PTPN14: variants seen among roughly 807,000 people sequenced by gnomAD.
PTPN14 encodes protein tyrosine phosphatase non-receptor type 14.
Under a neutral mutation model 126.8 loss-of-function variants are expected in PTPN14, and 53 were observed. The ratio of observed to expected loss-of-function variants is 0.42; its 90% CI spans 0.34 to 0.53. PTPN14 has a LOEUF of 0.53. Among genes scored for constraint, PTPN14 ranks in the 20% least tolerant of loss-of-function variants. PTPN14 has a pLI of 0.08. For synonymous variants in PTPN14, 630 were observed against 599.3 expected (o/e 1.05, Z -0.75); for missense variants, 1,257 against 1,552.9 (o/e 0.81, Z 3.20).
intron 3 of PTPN14, among the ~76,000 whole-genome samples, chr1:214,441,986 T>C (rs1295009305): frequency 1.3e-5 from 2 of 152,238 alleles, no homozygotes; most frequent in Non-Finnish European, 2.9e-5. Flanking sequence ...AATGAATGTA[T>C]CTTTGAAAAT....
chr1:214,426,542 A>G (rs1431359626), intron 3 of PTPN14, among the ~76,000 whole-genome samples: 1 of 152,206 alleles, frequency 6.6e-6, no homozygotes, highest in Non-Finnish European at 1.5e-5. Context: ...GAAAAAAAAA[A>G]ATGATGGCCA....
rs1658510179 is a variant in PTPN14 at position 214,383,062 on chromosome 1, G to A, written c.2544+249C>T. On this transcript the variant is annotated intron_variant, in intron 13 of 18. Transcript: ENST00000366956. This position sits in a 1 kb window ranked among gnomAD's most constrained non-coding sequence, Gnocchi z 4.4. ...TGGAAGTCTGAGCTTTGAATAAACA[G>A]CAAAATGCTGGCTGAGGCACTGGCC... Among the ~76,000 whole-genome samples, 1 of 152,200 alleles carries A rather than the reference G, an allele frequency of 6.6e-6. No individual in the cohort carries two copies. The highest frequency in any genetic ancestry group is 2.1e-4 in the South Asian group (1 of 4,832).
chr1:214,429,751 T>C (rs1323235679), intron 3 of PTPN14, among the ~76,000 whole-genome samples: 1 of 152,240 alleles, frequency 6.6e-6, no homozygotes, highest in Non-Finnish European at 1.5e-5. Flanking sequence ...TGTAAAATTG[T>C]GTTAAGTTAC....
intron 14 of PTPN14, among the ~76,000 whole-genome samples, chr1:214,377,596 T>C (rs944288909): frequency 6.6e-6 from 1 of 152,182 alleles, no homozygotes; most frequent in Admixed American, 6.5e-5. Flanking sequence ...GAAGTGGCAA[T>C]TGCTCACAAA....
chr1:214,455,342 T>C (rs747860579), intron 2 of PTPN14, among the ~76,000 whole-genome samples: 20 of 152,198 alleles, frequency 1.3e-4, no homozygotes, highest in Non-Finnish European at 1.2e-4. Flanking sequence ...TGGTGGATGA[T>C]TGCAAATAGA....
intron 1 of PTPN14, chr1:214,482,728 A>G: frequency 2.1e-6 from 3 of 1,431,498 alleles, no homozygotes; most frequent in Admixed American, 2.1e-5. Context: ...CTCCTCCTCT[A>G]TTTTTGGTAA....
intron 17 of PTPN14, among the ~76,000 whole-genome samples, chr1:214,366,815 C>CTG (rs1329372179): frequency 2.4e-4 from 37 of 151,978 alleles, no homozygotes; most frequent in Non-Finnish European, 4.0e-4. Context: ...GACCCCGTCT[C>CTG]TACTAAAAAT....
intron 1 of PTPN14, among the ~76,000 whole-genome samples, chr1:214,490,870 GAGGGGAGGGGAGGGA>G (rs1489229801): frequency 6.6e-4 from 13 of 19,786 alleles, no homozygotes; most frequent in African/African-American, 1.6e-3. Flanking sequence ...GAGGGGAGGG[GAGGGGAGGGGAGGGA>G]AGGGGAGGGG....
intron 1 of PTPN14, among the ~76,000 whole-genome samples, chr1:214,538,547 A>G (rs1655763236): frequency 6.6e-6 from 1 of 152,246 alleles, no homozygotes; most frequent in South Asian, 2.1e-4. Context: ...TGACATAAGT[A>G]AAGAGGCCAT....
chr1:214,392,919 G>GTTTT (rs1658791392), intron 10 of PTPN14, among the ~76,000 whole-genome samples: 2 of 152,148 alleles, frequency 1.3e-5, no homozygotes, highest in Non-Finnish European at 2.9e-5. Context: ...CTGTGGGAGT[G>GTTTT]GAAAAGCAGT....
intron 1 of PTPN14, among the ~76,000 whole-genome samples, chr1:214,490,828 C>T (rs901532921): frequency 2.0e-4 from 19 of 95,072 alleles, no homozygotes; most frequent in Middle Eastern, 5.7e-3. Flanking sequence ...CAGAGCGAGA[C>T]GGAAGGGAAA....
chr1:214,471,694 C>A (rs923726877), intron 1 of PTPN14, among the ~76,000 whole-genome samples: 1 of 152,208 alleles, frequency 6.6e-6, no homozygotes, highest in Non-Finnish European at 1.5e-5. Context: ...CATGGAAAAA[C>A]TGACCGAGTA....
intron 1 of PTPN14, among the ~76,000 whole-genome samples, chr1:214,496,024 C>A (rs879674439): frequency 1.3e-5 from 2 of 152,088 alleles, no homozygotes; most frequent in Non-Finnish European, 2.9e-5. Context: ...ATTTTTCATA[C>A]CCACAGATAA....
At chr1:214,378,237 A>ACAGC (rs1167806467) in intron 13 of PTPN14, 135 bp from the exon 14 acceptor site, 2 of 1,198,952 alleles carry the variant, frequency 1.7e-6, no homozygotes, top group African/African-American at 3.1e-5. Context: ...AAATTCAAAC[A>ACAGC]CAGCCTTCCC....
chr1:214,450,600 A>G (rs1660253394), intron 3 of PTPN14, among the ~76,000 whole-genome samples: 1 of 152,224 alleles, frequency 6.6e-6, no homozygotes, highest in Non-Finnish European at 1.5e-5. Flanking sequence ...CACAAAAGTC[A>G]GGTAGAATAC....
At position 214,371,379 on chromosome 1, in the gene PTPN14, C is replaced by A. The variant is rs140752540; in HGVS notation, c.3036+1332G>T. On this transcript the variant is annotated intron_variant, in intron 16 of 18. Coordinates refer to ENST00000366956, the MANE Select transcript of PTPN14 (RefSeq NM_005401.5). The stretch of plus-strand genomic sequence containing the variant: ...TCAGGGTTGCACATCGTGAAGCCAC[C>A]CTTTAGTAGGAGTCCCCTAGCGTGA... 2.3e-4 allele frequency among the ~76,000 whole-genome samples: 35 copies of A among 152,302 alleles called. No individual in the cohort carries two copies. In the East Asian group the frequency reaches 6.0e-3, roughly 26 times the overall value.
At position 214,402,993 on chromosome 1, in the gene PTPN14, G is replaced by A. The variant is rs1221227775; in HGVS notation, c.511-40C>T. 6 of 1,593,188 alleles carry A rather than the reference G, an allele frequency of 3.8e-6. No homozygotes were observed. The East Asian group carries it at 1.1e-4, about 30-fold the overall frequency. ...AGTGCTTAAGGTCACATGAGGGTGT[G>A]GGCATTTGCTATTTTGCTTGCAAAT... On this transcript the variant is annotated intron_variant, in intron 5 of 18. Transcript: ENST00000366956.
chr1:214,371,674 A>T (rs557857886), intron 16 of PTPN14, among the ~76,000 whole-genome samples: 2 of 152,312 alleles, frequency 1.3e-5, no homozygotes, highest in South Asian at 4.1e-4. Flanking sequence ...AATGCCTTGC[A>T]ATGGTGTGAG....
intron 1 of PTPN14, among the ~76,000 whole-genome samples, chr1:214,479,500 C>T (rs1293777151): frequency 2.0e-5 from 3 of 152,078 alleles, no homozygotes; most frequent in East Asian, 1.9e-4. Flanking sequence ...CCACCAAGCC[C>T]GGCTAATTTT....
Sources: gnomAD v4.1 joint callset for allele counts (sites outside exome capture counted in the v4.1 genomes callset) on GRCh38, gnomAD v4.1.1 for gene constraint, Gnocchi (gnomAD v3.1) non-coding constraint, MANE v1.5 for transcripts, NCBI Gene and HGNC (gene_info 2026-07-23, HGNC 2026-07-21) for gene names.